The following CCDC66 variants were observed in gnomAD, a reference collection of about 807,000 sequenced individuals.
The protein encoded by CCDC66 is coiled-coil domain-containing protein 66.
Under a neutral mutation model 128.3 loss-of-function variants are expected in CCDC66, and 133 were observed. That is an observed-to-expected ratio of 1.04 (90% confidence interval 0.90 to 1.20). The LOEUF is 1.20. CCDC66 is among the 50% of genes most tolerant of loss of function. The probability of loss-of-function intolerance (pLI) is 0.00; values close to 1 mark genes in which losing one functional copy is unlikely to be tolerated. For missense variants in CCDC66, 1,126 were observed against 1,075.5 expected (o/e 1.05, Z -0.66); for synonymous variants, 387 against 357.0 (o/e 1.08, Z -0.95).
rs1468468158 is a variant in CCDC66, at chr3:56,566,946, T to A, written c.711-4T>A. 6.2e-7 allele frequency: 1 copy of A among 1,609,712 alleles called. No homozygotes were observed. Among genetic ancestry groups the A allele is most frequent in the Admixed American group, 1.7e-5 (1 of 59,878 alleles). On this transcript the variant is annotated splice_region_variant and splice_polypyrimidine_tract_variant and intron_variant, in intron 5 of 17. Transcript: ENST00000394672. ...TTTCTGTTATCTTTTGTGTTTTACC[T>A]TAGAGAGAATGAATGGAAACCAGCT...
intron 7 of CCDC66, among the ~76,000 whole-genome samples, chr3:56,589,239 T>C (rs1047594827): frequency 1.3e-5 from 2 of 152,122 alleles, no homozygotes; most frequent in African/African-American, 4.8e-5. Flanking sequence ...ATTACTAAAA[T>C]TGACACAAGA....
chr3:56,621,436 G>A (rs1008695471), intron 17 of CCDC66, 96 bp from the exon 18 acceptor site: 16 of 836,360 alleles, frequency 1.9e-5, no homozygotes, highest in Non-Finnish European at 2.7e-5. Flanking sequence ...TATCCTAAGC[G>A]ATATGTTTTC....
intron 7 of CCDC66, among the ~76,000 whole-genome samples, chr3:56,579,497 A>G (rs1227357468): frequency 2.0e-5 from 3 of 151,330 alleles, no homozygotes; most frequent in Admixed American, 6.7e-5. Flanking sequence ...TTTAATTGTG[A>G]TATTAGGGTG....
At chr3:56,568,658 C>T (rs918960002) in intron 6 of CCDC66, among the ~76,000 whole-genome samples, 3 of 152,146 alleles carry the variant, frequency 2.0e-5, no homozygotes, top group Non-Finnish European at 2.9e-5. Context: ...ACATCCTATG[C>T]GTTTAAGGAT....
intron 7 of CCDC66, among the ~76,000 whole-genome samples, chr3:56,585,112 GGGGAGGGGGAGAGGGAGAGGGAGGGAGA>G (rs1447623012): frequency 8.5e-6 from 1 of 117,722 alleles, no homozygotes; most frequent in Non-Finnish European, 2.2e-5. Flanking sequence ...CCATGGGGAG[GGGGAGGGGGAGAGGGAGAGGGAGGGAGA>G]GGGAGAGGGA....
At chr3:56,621,159 C>CAAAAAA (rs370427287) in intron 17 of CCDC66, 20 of 142,640 alleles carry the variant, frequency 1.4e-4, no homozygotes, top group South Asian at 2.3e-4. Context: ...ACTCCATCTC[C>CAAAAAA]AAAAAAAAAC....
intron 7 of CCDC66, among the ~76,000 whole-genome samples, chr3:56,589,332 A>T (rs1218834285): frequency 6.6e-6 from 1 of 152,184 alleles, no homozygotes; most frequent in Non-Finnish European, 1.5e-5. Context: ...TCCAGAACCA[A>T]ATGTGTTTAC....
chr3:56,572,101 C>T (rs950989806), intron 7 of CCDC66, among the ~76,000 whole-genome samples: 2 of 152,004 alleles, frequency 1.3e-5, no homozygotes, highest in East Asian at 1.9e-4. Context: ...TGAGTTGTCT[C>T]GTTATGTCGT....
rs529510189 is a variant in CCDC66, at chr3:56,620,059, G to GACTT, written c.2760+159_2760+162dup. The GACTT allele has an allele frequency of 1.7e-3, 1,188 of 702,052 alleles. 15 individuals are homozygous for GACTT. In the African/African-American group the frequency reaches 0.019, roughly 11 times the overall value. The allele number at this position is 702,052 out of a possible 1,614,324, so 43.5% of individuals were successfully genotyped here. ...TGTTTGTTAGACACAAATAAAATGG[G>GACTT]ACTTTCCTAAGACTTGCTTTTACAC... On this transcript the variant is annotated intron_variant, in intron 17 of 17. Coordinates refer to ENST00000394672, the MANE Select transcript of CCDC66 (RefSeq NM_001141947.3).
At chr3:56,558,278 T>G (rs934507878) in intron 1 of CCDC66, among the ~76,000 whole-genome samples, 6 of 152,206 alleles carry the variant, frequency 3.9e-5, no homozygotes, top group African/African-American at 1.4e-4. Flanking sequence ...ACGTTCAAGT[T>G]TTGTTGGCAG....
Position 56,619,540 on chromosome 3 carries a change from T to A in CCDC66, c.2635+13T>A. On this transcript the variant is annotated intron_variant, in intron 16 of 17. Coordinates refer to ENST00000394672, the MANE Select transcript of CCDC66 (RefSeq NM_001141947.3). ...CAAAATTCACAAGGTAAGTAAATAT[T>A]AAGCATTCTAACTGTAAAAATTGAA... The A allele has an allele frequency of 6.3e-7, 1 of 1,589,228 alleles. No homozygotes were observed.
intron 7 of CCDC66, among the ~76,000 whole-genome samples, chr3:56,575,842 C>T (rs2067284835): frequency 6.6e-6 from 1 of 151,772 alleles, no homozygotes; most frequent in Admixed American, 6.6e-5. Context: ...TGTCCTTTCC[C>T]CATTGAATGG....
At chr3:56,613,477 G>C (rs1029904336) in intron 10 of CCDC66, 112 bp from the exon 11 acceptor site, 9 of 1,200,212 alleles carry the variant, frequency 7.5e-6, no homozygotes, top group Non-Finnish European at 9.2e-6. Flanking sequence ...CATTATTTTG[G>C]TTCCCCTCTG....
rs556038919 is a variant in CCDC66, at chr3:56,585,061, C to G, written c.937-7909C>G. On this transcript the variant is annotated intron_variant, in intron 7 of 17. Coordinates refer to ENST00000394672, the MANE Select transcript of CCDC66 (RefSeq NM_001141947.3). ...GCAGCAGTACAGTCCAGCTTCGGCT[C>G]GGCATCAGAGGGAGACAGTGGAAAG... Among the ~76,000 whole-genome samples the G allele has an allele frequency of 1.1e-4, 16 of 141,006 alleles. No homozygotes were observed. The South Asian group carries it at 3.5e-3, about 31-fold the overall frequency. The allele number at this position is 141,006 out of a possible 152,430, so 92.5% of individuals were successfully genotyped here.
intron 7 of CCDC66, chr3:56,572,565 T>TCATATGCCTTCATTTCTTTTTTA (rs2066785071): frequency 1.8e-5 from 1 of 54,188 alleles, no homozygotes; most frequent in Non-Finnish European, 4.6e-5. Flanking sequence ...GTATTATGCT[T>TCATATGCCTTCATTTCTTTTTTA]CATTTGCTAT....
intron 7 of CCDC66, among the ~76,000 whole-genome samples, chr3:56,574,251 A>G (rs2067063330): frequency 2.0e-5 from 3 of 150,704 alleles, no homozygotes; most frequent in African/African-American, 7.3e-5. Flanking sequence ...AGTCCCAGCT[A>G]TTTGGGAGGC....
At position 56,619,328 on chromosome 3, in the gene CCDC66, A is replaced by G. The variant is rs1578100788; in HGVS notation, c.2436A>G (p.Thr812=). The change falls in exon 16 of 18, where the codon ACA becomes ACG. Residue 812 remains threonine, a synonymous_variant. Transcript: ENST00000394672. ...VKNRTQQTQN[T]LHLPLKNSSY... The stretch of plus-strand genomic sequence containing the variant: ...ACAGAACCCAACAAACTCAAAATAC[A>G]TTACATTTACCACTAAAAAACAGTA... 1.9e-6 allele frequency: 3 copies of G among 1,613,678 alleles called. No individual in the cohort carries two copies. Among genetic ancestry groups the G allele is most frequent in the Non-Finnish European group, 2.5e-6 (3 of 1,179,734 alleles).
intron 16 of CCDC66, 23 bp downstream of exon 16, chr3:56,619,550 A>G: frequency 6.4e-7 from 1 of 1,564,312 alleles, no homozygotes; most frequent in Non-Finnish European, 8.6e-7. Flanking sequence ...TAAGCATTCT[A>G]ACTGTAAAAA....
intron 10 of CCDC66, among the ~76,000 whole-genome samples, chr3:56,596,087 A>AT (rs1330752004): frequency 6.6e-6 from 1 of 151,908 alleles, no homozygotes; most frequent in Non-Finnish European, 1.5e-5. Context: ...GCTAATGTTA[A>AT]TTTTTTTCTT....
Sources: gnomAD v4.1 joint callset for allele counts (sites outside exome capture counted in the v4.1 genomes callset) on GRCh38, gnomAD v4.1.1 for gene constraint, MANE v1.5 for transcripts, NCBI Gene and HGNC (gene_info 2026-07-23, HGNC 2026-07-21) for gene names.